MLLT6: variants seen among roughly 807,000 people sequenced by gnomAD.
MLLT6 encodes the protein MLLT6, PHD finger containing, also known as protein AF-17.
A neutral mutation model predicts 103.0 loss-of-function variants in MLLT6; 22 were observed. That is an observed-to-expected ratio of 0.21 (90% CI 0.15 to 0.31). The LOEUF (loss-of-function observed/expected upper bound fraction) is 0.31. Ranked by LOEUF, MLLT6 falls within the 10% of genes least tolerant of loss-of-function variation. The pLI, the probability that MLLT6 is intolerant of heterozygous loss-of-function variation, is 1.00. For synonymous variants in MLLT6, 606 were observed against 623.5 expected (o/e 0.97, Z 0.42); for missense variants, 1,199 against 1,441.7 (o/e 0.83, Z 2.73).
rs1014736297 is a variant in MLLT6, at chr17:38,708,043, G to A, written c.354+171G>A. ...CCCTTCTGTTGACAGACACACTCAT[G>A]CTCTGGCACTCAGGTGAAATAGTAG... On this transcript the variant is annotated intron_variant, in intron 4 of 19. Transcript: ENST00000621332. 1.0e-5 allele frequency: 6 copies of A among 597,768 alleles called. No individual in the cohort carries two copies. The African/African-American group carries it at 1.1e-4, about 11-fold the overall frequency. The allele number at this position is 597,768 out of a possible 1,614,324, so 37.0% of individuals were successfully genotyped here. A position where few individuals can be genotyped will look rare whatever the true frequency, so the allele number is the denominator to read the frequency against.
Position 38,707,512 on chromosome 17 carries a change from C to A in MLLT6, c.216C>A (p.Asp72Glu). Residue 72 changes from aspartate to glutamate, a missense_variant, in exon 3 of 20, where the codon GAC becomes GAA. Transcript: ENST00000621332. ...GGTGTGAGCTGTGCCCACACAAAGACGGGGCATTGAAGAGGACTGATAATG... is the reference window on the plus strand; with the variant it reads ...GGTGTGAGCTGTGCCCACACAAAGAAGGGGCATTGAAGAGGACTGATAATG... ...RVRCELCPHK[D>E]GALKRTDNGG... is the part of the protein sequence containing the mutation. 6.2e-7 allele frequency: 1 copy of A among 1,614,148 alleles called. No homozygotes were observed. Among genetic ancestry groups the A allele is most frequent in the Non-Finnish European group, 8.5e-7 (1 of 1,180,030 alleles).
Position 38,725,559 on chromosome 17 carries a change from C to G in MLLT6, c.3243C>G (p.Thr1081=), listed in dbSNP as rs749505174. 1.2e-6 allele frequency: 2 copies of G among 1,604,838 alleles called. No individual in the cohort carries two copies. Among genetic ancestry groups the G allele is most frequent in the South Asian group, 1.1e-5 (1 of 90,254 alleles). The change falls in exon 20 of 20, where the codon ACC becomes ACG. Residue 1081 remains threonine, a splice_region_variant and synonymous_variant. Coordinates refer to ENST00000621332, the MANE Select transcript of MLLT6 (RefSeq NM_005937.4). ...EGSGGGPKGG[T]ADKGASANQE... Reference sequence around the variant, plus strand: ...GGCCTCCCTCCCTCTCTTTCCAGACCGCTGACAAAGGAGCCTCAGCCAACC... The same window carrying G: ...GGCCTCCCTCCCTCTCTTTCCAGACGGCTGACAAAGGAGCCTCAGCCAACC...
At chr17:38,723,799 A>G (rs1472384567) in intron 18 of MLLT6, among the ~76,000 whole-genome samples, 1 of 151,000 alleles carries the variant, frequency 6.6e-6, no homozygotes, top group Non-Finnish European at 1.5e-5. Flanking sequence ...CTGGAGTGCA[A>G]TGGCATGATA....
Position 38,716,890 on chromosome 17 carries a change from C to T in MLLT6, c.1560C>T (p.Val520=), listed in dbSNP as rs745577106. The T allele has an allele frequency of 3.1e-6, 5 of 1,613,570 alleles. No individual in the cohort carries two copies. Among genetic ancestry groups the T allele is most frequent in the Non-Finnish European group, 4.2e-6 (5 of 1,179,830 alleles). ...CACCCTTCTCTGGAGGTTCCCTGGT[C>T]AGCTCCGGCCTGGGAGGTCTGTCCT... ...AASPFSGGSL[V]SSGLGGLSSR... The change falls in exon 10 of 20, where the codon GTC becomes GTT. Residue 520 remains valine (V), a synonymous_variant. Coordinates refer to ENST00000621332, the MANE Select transcript of MLLT6 (RefSeq NM_005937.4). The surrounding 1 kb of genome is among the most constrained non-coding windows in gnomAD (Gnocchi z 5.6).
intron 4 of MLLT6, among the ~76,000 whole-genome samples, chr17:38,708,438 C>T (rs1160007310): frequency 6.6e-6 from 1 of 152,050 alleles, no homozygotes; most frequent in Non-Finnish European, 1.5e-5. Context: ...GGTAAGGGCC[C>T]CCAGGTTCCA....
Position 38,725,917 on chromosome 17 carries a change from A to T in MLLT6, c.*319A>T, listed in dbSNP as rs1288859514. On this transcript the variant is annotated 3_prime_UTR_variant, in exon 20 of 20. Transcript: ENST00000621332. ...CCCAGAGAGCAGAGTGGGCCATGGC[A>T]GAAGTAGGGGGTTGGTTGGACCTGT... The T allele has an allele frequency of 2.5e-6, 1 of 395,660 alleles. No homozygotes were observed. The highest frequency in any genetic ancestry group is 4.5e-6 in the Non-Finnish European group (1 of 223,580). 24.5% of individuals were successfully genotyped at this position (395,660 alleles called of 1,614,324 possible). A position where few individuals can be genotyped will look rare whatever the true frequency, so the allele number is the denominator to read the frequency against.
In MLLT6 at chr17:38,708,852, C is replaced by T. The variant is rs544301390; in HGVS notation, c.355-321C>T. Among the ~76,000 whole-genome samples the T allele has an allele frequency of 2.0e-3, 305 of 152,308 alleles. 12 individuals carry two copies. Among genetic ancestry groups the T allele is most frequent in the Admixed American group, 0.02 (304 of 15,306 alleles). ...GGAGGAGGTTGCAGTGAGCCGAGATCGTGCCACTGCACTCCAACCTGGGCG... is the reference window on the plus strand; with the variant it reads ...GGAGGAGGTTGCAGTGAGCCGAGATTGTGCCACTGCACTCCAACCTGGGCG... On this transcript the variant is annotated intron_variant, in intron 4 of 19. Transcript: ENST00000621332.
intron 16 of MLLT6, 23 bp downstream of exon 16, chr17:38,720,770 C>G (rs201041162): frequency 1.2e-6 from 2 of 1,606,432 alleles, no homozygotes; most frequent in East Asian, 4.5e-5. Flanking sequence ...AGGAGTGGGG[C>G]AGGAAGGAGG....
chr17:38,714,381 A>G (rs1905243398), intron 8 of MLLT6: 1 of 152,238 alleles, frequency 6.6e-6, no homozygotes, highest in Non-Finnish European at 1.5e-5. Context: ...AACTCACCAC[A>G]TATGCATAGT....
chr17:38,722,066 C>T lies in MLLT6; in HGVS notation c.2631C>T (p.Ala877=). The T allele has an allele frequency of 7.2e-7, 1 of 1,389,386 alleles. No individual in the cohort carries two copies. Among genetic ancestry groups the T allele is most frequent in the East Asian group, 3.0e-5 (1 of 33,682 alleles). The allele number at this position is 1,389,386 out of a possible 1,614,324, so 86.1% of individuals were successfully genotyped here. A position where few individuals can be genotyped will look rare whatever the true frequency, so the allele number is the denominator to read the frequency against. The stretch of plus-strand genomic sequence containing the variant: ...CACCCGGGGCAGCGGGGCTGGGGGC[C>T]ATGCCCATGGCTGAGGGGCTGTTGG... ...GRAPGAAGLG[A]MPMAEGLLGG... is the part of the protein sequence containing the mutation. Residue 877 remains alanine, a synonymous_variant, in exon 17 of 20, where the codon GCC becomes GCT. Coordinates refer to ENST00000621332, the MANE Select transcript of MLLT6 (RefSeq NM_005937.4).
Position 38,705,746 on chromosome 17 carries a change from G to T in MLLT6, c.109+5G>T. The T allele has an allele frequency of 7.3e-7, 1 of 1,378,220 alleles. No individual in the cohort carries two copies. The highest frequency in any genetic ancestry group is 9.5e-7 in the Non-Finnish European group (1 of 1,052,636). 85.4% of individuals were successfully genotyped at this position (1,378,220 alleles called of 1,614,324 possible). A position where few individuals can be genotyped will look rare whatever the true frequency, so the allele number is the denominator to read the frequency against. The stretch of plus-strand genomic sequence containing the variant: ...GCAGCGTGGCCGTCCACCAAGGTAC[G>T]GGGGTGGCCCGCGGGGGGCGGCGGG... On this transcript the variant is annotated splice_donor_5th_base_variant and intron_variant, in intron 1 of 19. Transcript: ENST00000621332.
intron 7 of MLLT6, 158 bp downstream of exon 7, chr17:38,712,172 G>GT (rs1905163969): frequency 3.2e-6 from 3 of 949,996 alleles, no homozygotes; most frequent in Non-Finnish European, 3.8e-6. Context: ...AAATGAAACG[G>GT]TGGGGGGGTG....
At chr17:38,713,299 C>A in intron 8 of MLLT6, 1 of 413,636 alleles carries the variant, frequency 2.4e-6, no homozygotes, top group Non-Finnish European at 4.3e-6. Context: ...CCATTCCCAG[C>A]AGGGCATGGT....
intron 18 of MLLT6, among the ~76,000 whole-genome samples, chr17:38,723,488 T>C (rs946418621): frequency 3.9e-5 from 6 of 152,044 alleles, no homozygotes; most frequent in African/African-American, 1.5e-4. Context: ...TGAGACCCTG[T>C]CTCAAAAACA....
chr17:38,717,484 G>A lies in MLLT6; in HGVS notation c.1704G>A (p.Arg568=). The A allele has an allele frequency of 6.2e-7, 1 of 1,612,556 alleles. No homozygotes were observed. Among genetic ancestry groups the A allele is most frequent in the Non-Finnish European group, 8.5e-7 (1 of 1,179,620 alleles). ...TCTCCCACAGTGGCGGGATGCTGCG[G>A]GCTGTCTGCAGCACCCCTCTCTCCT... The part of the protein sequence containing the change: ...DPISHSGGML[R]AVCSTPLSSS... The change falls in exon 11 of 20, where the codon CGG becomes CGA. Residue 568 remains arginine, a synonymous_variant. Transcript: ENST00000621332.
chr17:38,720,310 C>A (rs972766983), intron 14 of MLLT6, 62 bp from the exon 15 acceptor site: 10 of 668,634 alleles, frequency 1.5e-5, no homozygotes, highest in Non-Finnish European at 2.6e-5. Context: ...GCCCCGCCCC[C>A]GGTCCCCTGG....
chr17:38,717,847 GTT>G lies in MLLT6; in HGVS notation c.1839_1840del (p.Leu615GlyfsTer6). On this transcript the variant is annotated frameshift_variant, in exon 12 of 20. Coordinates refer to ENST00000621332, the MANE Select transcript of MLLT6 (RefSeq NM_005937.4). LOFTEE classifies it high-confidence loss of function. Reference protein sequence around the residue: ...SSASISTTQVFSLAGSTFSLP... With the variant: ...SSASISTTQVXSLAGSTFSLP... The stretch of plus-strand genomic sequence containing the variant: ...GGGATTCTACCTCCCTCCCTTAGGT[GTT>G]TTCTCTGGCTGGCTCTACCTTTAGC... The G allele has an allele frequency of 6.2e-7, 1 of 1,611,808 alleles. No individual in the cohort carries two copies. The highest frequency in any genetic ancestry group is 8.5e-7 in the Non-Finnish European group (1 of 1,177,982).
chr17:38,715,898 G>C, intron 9 of MLLT6, 70 bp downstream of exon 9: 1 of 1,340,966 alleles, frequency 7.5e-7, no homozygotes, highest in Non-Finnish European at 1.0e-6. Context: ...TCTGGCAAGG[G>C]ACTTTGCATA....
At chr17:38,722,889 T>C (rs2143709280) in intron 18 of MLLT6, 121 bp downstream of exon 18, 1 of 745,478 alleles carries the variant, frequency 1.3e-6, no homozygotes, top group East Asian at 2.7e-5. Context: ...AGCTCTAGGC[T>C]GGGCCTGTGG....
Sources: allele counts gnomAD v4.1 joint callset (sites outside exome capture counted in the v4.1 genomes callset), GRCh38; gene constraint gnomAD v4.1.1; non-coding constraint Gnocchi (gnomAD v3.1); transcripts MANE v1.5; gene names NCBI Gene and HGNC (gene_info 2026-07-23, HGNC 2026-07-21).